Variants in TEX9 observed in about 807,000 individuals in gnomAD.
The protein encoded by TEX9 is testis-expressed protein 9.
In TEX9, 74 loss-of-function variants were observed where a neutral mutation model predicts 59.6. The observed-to-expected ratio is 1.24, with a 90% CI of 1.03 to 1.51. TEX9 has a LOEUF of 1.51. TEX9 is among the 40% of genes most tolerant of loss of function. TEX9 has a pLI of 0.00. For synonymous variants in TEX9, 186 were observed against 152.2 expected, an observed-to-expected ratio of 1.22 and a Z score of -1.64; for missense variants, 522 against 447.8, an observed-to-expected ratio of 1.17 and a Z score of -1.49.
intron 1 of TEX9, among the ~76,000 whole-genome samples, chr15:56,321,558 A>T (rs1191856504): frequency 6.6e-6 from 1 of 152,200 alleles, no homozygotes; most frequent in African/African-American, 2.4e-5. Context: ...TATGAAGGAC[A>T]GGAACAGATA....
At chr15:56,342,549 T>A (rs77712311) in intron 1 of TEX9, among the ~76,000 whole-genome samples, 3 of 152,152 alleles carry the variant, frequency 2.0e-5, no homozygotes, top group African/African-American at 7.2e-5. Context: ...TAAGCTCTTA[T>A]GTGCAGGAGA....
chr15:56,453,914 A>C, the TEX9 span, among the ~76,000 whole-genome samples: 1 of 152,150 alleles, frequency 6.6e-6, no homozygotes, highest in East Asian at 1.9e-4. Flanking sequence ...AAAAAAGCTA[A>C]ATCTTAATAT....
At chr15:56,260,856 A>G (rs2044250107) in intron 1 of TEX9, among the ~76,000 whole-genome samples, 1 of 152,006 alleles carries the variant, frequency 6.6e-6, no homozygotes, top group South Asian at 2.1e-4. Context: ...ATTCACCACT[A>G]AATATATCGA....
chr15:56,372,209 G>A (rs966198470), intron 2 of TEX9, among the ~76,000 whole-genome samples: 3 of 152,074 alleles, frequency 2.0e-5, no homozygotes, highest in Admixed American at 1.3e-4. Context: ...GCACTTTAAA[G>A]GCACCTTTAA....
intron 12 of TEX9, among the ~76,000 whole-genome samples, chr15:56,432,024 G>A (rs1190372546): frequency 2.0e-5 from 3 of 152,068 alleles, no homozygotes; most frequent in East Asian, 1.9e-4. Flanking sequence ...CTTGAACTAC[G>A]TGAAAGAACA....
intron 9 of TEX9, among the ~76,000 whole-genome samples, chr15:56,401,200 A>T (rs1335808047): frequency 1.3e-5 from 2 of 151,100 alleles, no homozygotes; most frequent in Non-Finnish European, 3.0e-5. Flanking sequence ...TTGGATATAG[A>T]GTCAAGACCC....
At chr15:56,292,936 G>C (rs994992325) in intron 1 of TEX9, among the ~76,000 whole-genome samples, 10 of 152,106 alleles carry the variant, frequency 6.6e-5, no homozygotes, top group African/African-American at 2.4e-4. Context: ...ATGCTATCCT[G>C]CTTCCCTCAT....
intron 1 of TEX9, among the ~76,000 whole-genome samples, chr15:56,306,289 G>A (rs2045485440): frequency 1.6e-5 from 2 of 128,238 alleles, no homozygotes; most frequent in Admixed American, 1.7e-4. Flanking sequence ...GGAAATCAGT[G>A]TATCAAAGAG....
intron 9 of TEX9, among the ~76,000 whole-genome samples, chr15:56,400,509 T>C (rs1357450347): frequency 6.6e-6 from 1 of 152,182 alleles, no homozygotes; most frequent in Non-Finnish European, 1.5e-5. Context: ...CTACATTTGA[T>C]TGGTGTACCT....
rs182669915 is a variant in TEX9 at position 56,433,558 on chromosome 15, C to T, written c.*29+5085C>T. Among the ~76,000 whole-genome samples, 189 of 152,198 alleles carry T rather than the reference C, an allele frequency of 1.2e-3. 4 individuals are homozygous for T. The East Asian group carries it at 0.032, about 26-fold the overall frequency. ...TCCTTAACATCTCTCGGGTGGATCCCTTATCTATTTGCATGGGTTTCACCA... is the reference window on the plus strand; with the variant it reads ...TCCTTAACATCTCTCGGGTGGATCCTTTATCTATTTGCATGGGTTTCACCA... On this transcript the variant is annotated intron_variant, in intron 12 of 12. Transcript: ENST00000352903.
At chr15:56,366,670 A>G (rs1004705740) in intron 2 of TEX9, among the ~76,000 whole-genome samples, 34 of 152,240 alleles carry the variant, frequency 2.2e-4, no homozygotes, top group African/African-American at 8.0e-4. Flanking sequence ...CTTATAAAAA[A>G]GTGCCTTTTA....
At chr15:56,446,865 CT>C (rs1346404372), downstream of TEX9, 5 of 1,609,410 alleles carry the variant, frequency 3.1e-6, no homozygotes, top group Non-Finnish European at 2.5e-6. Flanking sequence ...TAATGGCATC[CT>C]TTTCAGCAAT....
At chr15:56,255,300 G>A (rs907952810) in intron 1 of TEX9, among the ~76,000 whole-genome samples, 8 of 152,014 alleles carry the variant, frequency 5.3e-5, no homozygotes, top group African/African-American at 1.9e-4. Flanking sequence ...AAGATGGCAG[G>A]GACAAAGCAT....
intron 2 of TEX9, among the ~76,000 whole-genome samples, chr15:56,366,590 G>A (rs1278620170): frequency 4.6e-5 from 7 of 151,966 alleles, no homozygotes; most frequent in Admixed American, 3.3e-4. Flanking sequence ...TTTCCTTTTT[G>A]TCTGTCTCCA....
intron 1 of TEX9, among the ~76,000 whole-genome samples, chr15:56,286,122 G>GT (rs1195483392): frequency 4.6e-5 from 7 of 152,088 alleles, no homozygotes; most frequent in Non-Finnish European, 8.8e-5. Flanking sequence ...TTTCATCTCT[G>GT]TATTTCCCCT....
At chr15:56,260,143 T>A (rs2044230631) in intron 1 of TEX9, among the ~76,000 whole-genome samples, 1 of 152,120 alleles carries the variant, frequency 6.6e-6, no homozygotes, top group Admixed American at 6.5e-5. Flanking sequence ...TGTGTATATA[T>A]TATTTTGGGT....
rs112951968 is a variant in TEX9, at chr15:56,391,280, G to A, written c.433G>A (p.Asp145Asn). The A allele has an allele frequency of 2.8e-5, 44 of 1,580,428 alleles. 1 individual carries two copies. Among genetic ancestry groups the A allele is most frequent in the South Asian group, 4.7e-5 (4 of 84,232 alleles). Residue 145 changes from aspartate (D) to asparagine (N), a missense_variant, in exon 7 of 13, where the codon GAT becomes AAT. Physicochemically the swap from Asp to Asn is conservative, Grantham distance 23. Coordinates refer to ENST00000352903, the Ensembl canonical transcript of TEX9. Reference sequence around the variant, plus strand: ...ATACTCTGATGTCCAAACTGCCGACGATGTTGCCATTCCAGAGGATTTCTC... The same window carrying A: ...ATACTCTGATGTCCAAACTGCCGACAATGTTGCCATTCCAGAGGATTTCTC...
intron 3 of TEX9, among the ~76,000 whole-genome samples, chr15:56,376,434 C>A (rs1412298083): frequency 1.3e-5 from 2 of 152,016 alleles, no homozygotes; most frequent in Middle Eastern, 3.2e-3. Context: ...GATTGCCTGT[C>A]TTTTGGATAT....
rs1316163721 is a variant in TEX9, at chr15:56,365,801, C to G, written c.119+131C>G. On this transcript the variant is annotated intron_variant, in intron 2 of 12. Coordinates refer to ENST00000352903, the Ensembl canonical transcript of TEX9. ...CTGCAGCATTCCCTTCTCGTCATCTCGTTCACCTGCCGTTTATCCTTTCTT... is the reference window on the plus strand; with the variant it reads ...CTGCAGCATTCCCTTCTCGTCATCTGGTTCACCTGCCGTTTATCCTTTCTT... The G allele has an allele frequency of 1.4e-5, 21 of 1,463,078 alleles. No individual in the cohort carries two copies. The South Asian group carries it at 2.5e-4, about 17-fold the overall frequency. The allele number at this position is 1,463,078 out of a possible 1,614,324, so 90.6% of individuals were successfully genotyped here.
Sources: gnomAD v4.1 joint callset for allele counts (sites outside exome capture counted in the v4.1 genomes callset) on GRCh38, gnomAD v4.1.1 for gene constraint, MANE v1.5 for transcripts, NCBI Gene and HGNC (gene_info 2026-07-23, HGNC 2026-07-21) for gene names.